The following LOXL2 variants were observed in gnomAD, a reference collection of about 807,000 sequenced individuals.
LOXL2 encodes the protein lysyl oxidase like 2.
A neutral mutation model predicts 93.0 loss-of-function variants in LOXL2; 70 were observed. The observed-to-expected ratio is 0.75, with a 90% CI of 0.62 to 0.92. LOXL2 has a LOEUF of 0.92. Ranked by LOEUF, LOXL2 falls within the 40% of genes least tolerant of loss-of-function variation. The pLI is 0.00. For missense variants in LOXL2, 973 were observed against 1,054.9 expected (o/e 0.92, Z 1.08); for synonymous variants, 438 against 413.2 (o/e 1.06, Z -0.73).
intron 3 of LOXL2, among the ~76,000 whole-genome samples, chr8:23,343,131 T>A (rs533310739): frequency 6.6e-6 from 1 of 152,302 alleles, no homozygotes; most frequent in African/African-American, 2.4e-5. Context: ...AGCAAGATGC[T>A]CTCGGCCATT....
rs545882636 is a variant in LOXL2, at chr8:23,305,588, C to T, written c.1881-2191G>A. On this transcript the variant is annotated intron_variant, in intron 10 of 13. Coordinates refer to ENST00000389131, the MANE Select transcript of LOXL2 (RefSeq NM_002318.3). ...ACTCTGGGAAGATGGGATGGTGAGTCCTGGCGAGGAAGGTATTCCTCCTCT... is the reference window on the plus strand; with the variant it reads ...ACTCTGGGAAGATGGGATGGTGAGTTCTGGCGAGGAAGGTATTCCTCCTCT... Among the ~76,000 whole-genome samples the T allele has an allele frequency of 1.0e-4, 15 of 147,252 alleles. 1 individual carries two copies. The highest frequency in any genetic ancestry group is 3.7e-4 in the African/African-American group (15 of 40,240).
intron 3 of LOXL2, among the ~76,000 whole-genome samples, chr8:23,358,104 T>C (rs935227447): frequency 6.6e-6 from 1 of 152,162 alleles, no homozygotes; most frequent in Non-Finnish European, 1.5e-5. Flanking sequence ...AGATGGAAAA[T>C]TTTGTGAAAC....
chr8:23,325,382 A>C (rs1196569899), intron 6 of LOXL2, among the ~76,000 whole-genome samples: 1 of 152,122 alleles, frequency 6.6e-6, no homozygotes, highest in Non-Finnish European at 1.5e-5. Context: ...GCCTACCTCG[A>C]GGGCTCAAGT....
chr8:23,302,662 CAAATT>C (rs1454475161), intron 11 of LOXL2, among the ~76,000 whole-genome samples: 9 of 152,164 alleles, frequency 5.9e-5, no homozygotes, highest in African/African-American at 2.2e-4. Flanking sequence ...CAATGAATAA[CAAATT>C]AAACACGCAT....
intron 7 of LOXL2, among the ~76,000 whole-genome samples, chr8:23,321,389 A>G (rs12542781): frequency 0.021 from 3,235 of 152,276 alleles, 125 homozygotes; most frequent in Admixed American, 0.087. Context: ...TTTTCTAGAG[A>G]AGACTGGAGC....
chr8:23,322,152 G>T lies in LOXL2; in HGVS notation c.1280C>A (p.Pro427His), dbSNP rs1201415481. 1.2e-6 allele frequency: 2 copies of T among 1,614,090 alleles called. No individual in the cohort carries two copies. Among genetic ancestry groups the T allele is most frequent in the Non-Finnish European group, 1.7e-6 (2 of 1,180,038 alleles). The change falls in exon 7 of 14, where the codon CCT becomes CAT. Residue 427 changes from proline (P) to histidine (H), a missense_variant. Transcript: ENST00000389131. ...CACCTTCTTCTGCAAGCCCATGGCA[G>T]GGGTGTTGCATCTCACACCAGCATC... ...EEDAGVRCNT[P>H]AMGLQKKLRL...
chr8:23,352,553 T>A (rs1804111932), intron 3 of LOXL2, among the ~76,000 whole-genome samples: 1 of 152,130 alleles, frequency 6.6e-6, no homozygotes, highest in East Asian at 1.9e-4. Context: ...CCCTCCACCC[T>A]CTGCCGCCCC....
At chr8:23,314,708 G>A (rs1283173506) in intron 9 of LOXL2, among the ~76,000 whole-genome samples, 1 of 151,322 alleles carries the variant, frequency 6.6e-6, no homozygotes, top group Non-Finnish European at 1.5e-5. Flanking sequence ...ACGAGTTAGT[G>A]GGTGCAGCGC....
At chr8:23,333,279 C>T (rs1437140650) in intron 5 of LOXL2, 122 bp downstream of exon 5, 3 of 880,308 alleles carry the variant, frequency 3.4e-6, no homozygotes, top group Admixed American at 4.2e-5. Context: ...GTAAAGCAGC[C>T]ACAATGGTGA....
chr8:23,402,589 CCATTAA>C (rs1351253473), intron 1 of LOXL2: 1 of 152,198 alleles, frequency 6.6e-6, no homozygotes, highest in Non-Finnish European at 1.5e-5. Flanking sequence ...CCAACCCTGA[CCATTAA>C]GTACATGATA....
chr8:23,356,802 C>T (rs752935106), intron 3 of LOXL2, among the ~76,000 whole-genome samples: 37 of 152,208 alleles, frequency 2.4e-4, no homozygotes, highest in Admixed American at 6.5e-5. Flanking sequence ...CAGACATCTC[C>T]ATAGGTTGCC....
chr8:23,322,007 T>G (rs898758951), intron 7 of LOXL2, 123 bp downstream of exon 7: 2 of 1,089,174 alleles, frequency 1.8e-6, no homozygotes, highest in Non-Finnish European at 2.7e-6. Flanking sequence ...AAATGCCAAG[T>G]GGCAATGTCT....
At chr8:23,318,173 G>GT (rs1470918771) in intron 8 of LOXL2, among the ~76,000 whole-genome samples, 1 of 91,310 alleles carries the variant, frequency 1.1e-5, no homozygotes, top group Non-Finnish European at 3.1e-5. Flanking sequence ...ATCTTAAGGG[G>GT]TAAAAAAAAA....
At position 23,400,341 on chromosome 8, in the gene LOXL2, A is replaced by G. The variant is rs1403879311; in HGVS notation, c.-84+3613T>C. On this transcript the variant is annotated intron_variant, in intron 1 of 13. Coordinates refer to ENST00000389131, the MANE Select transcript of LOXL2 (RefSeq NM_002318.3). ...GCAGAAGACAAAGGAAGAGCAAAGG[A>G]ACATCTTACATGGTGGCAGGCAAGA... Among the ~76,000 whole-genome samples, 5 of 152,332 alleles carry G rather than the reference A, an allele frequency of 3.3e-5. No homozygotes were observed. The East Asian group carries it at 9.6e-4, about 29-fold the overall frequency.
intron 5 of LOXL2, 21 bp from the exon 6 acceptor site, chr8:23,328,586 G>T: frequency 6.2e-7 from 1 of 1,611,868 alleles, no homozygotes; most frequent in Non-Finnish European, 8.5e-7. Flanking sequence ...ACACGGTCCT[G>T]CTGAGTACAG....
In LOXL2 at chr8:23,298,965, AGAG is replaced by A. The variant is rs1313609332; in HGVS notation, c.2134-21_2134-19del. 1 of 1,464,954 alleles carries A rather than the reference AGAG, an allele frequency of 6.8e-7. No individual in the cohort carries two copies. The highest frequency in any genetic ancestry group is 9.6e-7 in the Non-Finnish European group (1 of 1,044,546). The allele number at this position is 1,464,954 out of a possible 1,614,324, so 90.7% of individuals were successfully genotyped here. On this transcript the variant is annotated intron_variant, in intron 12 of 13. Transcript: ENST00000389131. ...ATAACAACCTAGGGAGAAGCAGGGC[AGAG>A]GAGGCTGCTTGTTCCCTCTGCGGCC...
intron 1 of LOXL2, among the ~76,000 whole-genome samples, chr8:23,393,154 A>G (rs947563355): frequency 7.2e-5 from 11 of 152,356 alleles, no homozygotes; most frequent in African/African-American, 2.6e-4. Flanking sequence ...TACGAATTCA[A>G]CACAATTTCT....
intron 3 of LOXL2, among the ~76,000 whole-genome samples, chr8:23,346,236 C>T (rs1803982487): frequency 6.8e-6 from 1 of 147,194 alleles, no homozygotes; most frequent in Non-Finnish European, 1.5e-5. Flanking sequence ...AAATTCAGCC[C>T]CAAATGCCAG....
At chr8:23,305,006 T>C (rs1326733338) in intron 10 of LOXL2, among the ~76,000 whole-genome samples, 3 of 152,220 alleles carry the variant, frequency 2.0e-5, no homozygotes, top group African/African-American at 7.2e-5. Flanking sequence ...CTCATGTTTC[T>C]GGGTAAAATG....
Sources: allele counts gnomAD v4.1 joint callset (sites outside exome capture counted in the v4.1 genomes callset), GRCh38; gene constraint gnomAD v4.1.1; transcripts MANE v1.5; gene names NCBI Gene and HGNC (gene_info 2026-07-23, HGNC 2026-07-21).